Variants in GPR139 observed in about 807,000 individuals in gnomAD.
The protein encoded by GPR139 is G protein-coupled receptor 139, also known as probable G protein-coupled receptor 139.
A neutral mutation model predicts 25.8 loss-of-function variants in GPR139; 12 were observed. That is an observed-to-expected ratio of 0.47 (90% CI 0.30 to 0.75). The LOEUF is 0.75. GPR139 is among the 30% of genes least tolerant of loss of function. The probability of loss-of-function intolerance (pLI) is 0.07; values close to 1 mark genes in which losing one functional copy is unlikely to be tolerated. For missense variants in GPR139, 380 were observed against 450.2 expected, an observed-to-expected ratio of 0.84 and a Z score of 1.41; for synonymous variants, 184 against 179.9, an observed-to-expected ratio of 1.02 and a Z score of -0.18.
chr16:20,067,789 A>T (rs2057440999), intron 1 of GPR139, among the ~76,000 whole-genome samples: 1 of 137,186 alleles, frequency 7.3e-6, no homozygotes, highest in Non-Finnish European at 1.5e-5. Context: ...GGGCAACTAG[A>T]GCAAAACTCC....
chr16:20,056,236 T>C lies in GPR139; in HGVS notation c.127+17254A>G, dbSNP rs1054886248. 3.3e-5 allele frequency among the ~76,000 whole-genome samples: 5 copies of C among 152,196 alleles called. No individual in the cohort carries two copies. In the East Asian group the frequency reaches 9.6e-4, roughly 29 times the overall value. On this transcript the variant is annotated intron_variant, in intron 1 of 1. Coordinates refer to ENST00000570682, the MANE Select transcript of GPR139 (RefSeq NM_001002911.4). ...TTGATGAGCTTCCATTTTTGTTCCA[T>C]GGTATGCTGGGCTTTCTTTTTGCAC...
intron 1 of GPR139, among the ~76,000 whole-genome samples, chr16:20,063,399 G>C (rs956454567): frequency 5.9e-5 from 9 of 152,220 alleles, no homozygotes; most frequent in Non-Finnish European, 8.8e-5. Context: ...CTACTCAGGA[G>C]GCTGAGATGG....
Position 20,059,521 on chromosome 16 carries a change from A to G in GPR139, c.127+13969T>C, listed in dbSNP as rs192989663. 4.5e-3 allele frequency among the ~76,000 whole-genome samples: 679 copies of G among 151,926 alleles called. 4 individuals carry two copies. The highest frequency in any genetic ancestry group is 0.015 in the African/African-American group (617 of 41,460). On this transcript the variant is annotated intron_variant, in intron 1 of 1. Coordinates refer to ENST00000570682, the MANE Select transcript of GPR139 (RefSeq NM_001002911.4). Reference sequence around the variant, plus strand: ...TGCTCAAACATCACCACTTTGGAACACCCTTTCTTGACCACCCAACCTAAT... The same window carrying G: ...TGCTCAAACATCACCACTTTGGAACGCCCTTTCTTGACCACCCAACCTAAT...
intron 1 of GPR139, among the ~76,000 whole-genome samples, chr16:20,059,387 G>T (rs753478485): frequency 7.2e-5 from 11 of 151,958 alleles, no homozygotes; most frequent in Non-Finnish European, 1.5e-4. Flanking sequence ...CTTTTTCATT[G>T]TACTCTAACC....
chr16:20,032,599 G>A lies in GPR139; in HGVS notation c.198C>T (p.Leu66=). 1 of 1,614,074 alleles carries A rather than the reference G, an allele frequency of 6.2e-7. No homozygotes were observed. Among genetic ancestry groups the A allele is most frequent in the Non-Finnish European group, 8.5e-7 (1 of 1,179,918 alleles). ...AGATGTCGGCAGCAGCGAGTGCCAA[G>A]AGATAGTTGTAGGAGGACTTCTGTC... ...ARRQKSSYNY[L]LALAAADILV... is the part of the protein sequence containing the mutation. The change falls in exon 2 of 2, where the codon CTC becomes CTT. Residue 66 remains leucine (L), a synonymous_variant. Coordinates refer to ENST00000570682, the MANE Select transcript of GPR139 (RefSeq NM_001002911.4).
chr16:20,054,226 A>G (rs191651675), intron 1 of GPR139, among the ~76,000 whole-genome samples: 1 of 152,292 alleles, frequency 6.6e-6, no homozygotes, highest in Admixed American at 6.5e-5. Flanking sequence ...TACCAAAGTC[A>G]TTCTGTTTGT....
chr16:20,060,328 A>T (rs559232002), intron 1 of GPR139, among the ~76,000 whole-genome samples: 88 of 151,004 alleles, frequency 5.8e-4, no homozygotes, highest in African/African-American at 2.1e-3. Flanking sequence ...GTGTATCTGC[A>T]TGTATGTCTC....
chr16:20,034,995 G>T (rs919415655), intron 1 of GPR139, among the ~76,000 whole-genome samples: 10 of 152,086 alleles, frequency 6.6e-5, no homozygotes, highest in African/African-American at 2.4e-4. Context: ...TTTCTCTGGG[G>T]TAATGTATAC....
intron 1 of GPR139, among the ~76,000 whole-genome samples, chr16:20,032,988 G>A (rs940717072): frequency 1.3e-5 from 2 of 150,246 alleles, no homozygotes; most frequent in Non-Finnish European, 3.0e-5. Flanking sequence ...ACAACCATGA[G>A]TGGTGTTGCC....
chr16:20,046,686 G>A (rs185687591), intron 1 of GPR139, among the ~76,000 whole-genome samples: 170 of 152,316 alleles, frequency 1.1e-3, no homozygotes, highest in South Asian at 4.8e-3. Flanking sequence ...AGAGAAACAT[G>A]CAGGGGGAGA....
At chr16:20,067,090 A>G (rs2057437081) in intron 1 of GPR139, among the ~76,000 whole-genome samples, 1 of 152,186 alleles carries the variant, frequency 6.6e-6, no homozygotes, top group Non-Finnish European at 1.5e-5. Context: ...CAGAATTTAA[A>G]TCCACATCCA....
chr16:20,060,590 T>G (rs2057409268), intron 1 of GPR139, among the ~76,000 whole-genome samples: 1 of 152,184 alleles, frequency 6.6e-6, no homozygotes, highest in Admixed American at 6.5e-5. Flanking sequence ...TTCCCCCAGC[T>G]CTACCCATGT....
chr16:20,031,998 A>G lies in GPR139; in HGVS notation c.799T>C (p.Ser267Pro). ...AGGGCTAGCATGTTGGCAATGTCGG[A>G]CATGATGTGTACCAGCCAGCGGTTC... ...IQNRWLVHIM[S>P]DIANMLALLN... The change falls in exon 2 of 2, where the codon TCC (serine) becomes CCC (proline). Residue 267 changes from serine (S) to proline (P), a missense_variant. Ser to Pro is a moderately conservative substitution (Grantham distance 74, BLOSUM62 -1). Coordinates refer to ENST00000570682, the MANE Select transcript of GPR139 (RefSeq NM_001002911.4). The G allele has an allele frequency of 6.2e-7, 1 of 1,614,210 alleles. No individual in the cohort carries two copies. Among genetic ancestry groups the G allele is most frequent in the Non-Finnish European group, 8.5e-7 (1 of 1,180,042 alleles).
At chr16:20,037,395 T>G (rs2057313745) in intron 1 of GPR139, among the ~76,000 whole-genome samples, 1 of 147,310 alleles carries the variant, frequency 6.8e-6, no homozygotes, top group Non-Finnish European at 1.5e-5. Context: ...GAAGTTACAG[T>G]GAGCCGAGAT....
intron 1 of GPR139, among the ~76,000 whole-genome samples, chr16:20,033,272 G>A (rs1481937857): frequency 1.3e-5 from 2 of 151,712 alleles, no homozygotes; most frequent in Non-Finnish European, 2.9e-5. Context: ...CGTGAGAGGC[G>A]ATGCTGCCAT....
At position 20,032,107 on chromosome 16, in the gene GPR139, C is replaced by T. The variant is rs2057291814; in HGVS notation, c.690G>A (p.Leu230=). The change falls in exon 2 of 2, where the codon TTG becomes TTA. Residue 230 remains leucine, a synonymous_variant. Transcript: ENST00000570682. ...GYSTGKTTAI[L]FTITSIFATL... ...TGGCAAAGATGGAGGTAATGGTGAA[C>T]AAGATGGCGGTGGTCTTCCCCGTGG... is the stretch of plus-strand genomic sequence containing the variant. The T allele has an allele frequency of 6.2e-7, 1 of 1,614,154 alleles. No individual in the cohort carries two copies. The highest frequency in any genetic ancestry group is 8.5e-7 in the Non-Finnish European group (1 of 1,180,014).
At chr16:20,049,377 T>G (rs1023641284) in intron 1 of GPR139, among the ~76,000 whole-genome samples, 3 of 152,230 alleles carry the variant, frequency 2.0e-5, no homozygotes, top group African/African-American at 7.2e-5. Flanking sequence ...CCAGTGTCTA[T>G]GTAGCTTCTT....
intron 1 of GPR139, among the ~76,000 whole-genome samples, chr16:20,044,665 T>G (rs2764769): frequency 0.089 from 13,485 of 152,206 alleles, 1,945 homozygotes; most frequent in African/African-American, 0.3. Context: ...AGCTCACATC[T>G]TCATATACAC....
intron 1 of GPR139, among the ~76,000 whole-genome samples, chr16:20,040,190 T>C (rs2057325048): frequency 6.6e-6 from 1 of 152,162 alleles, no homozygotes; most frequent in Non-Finnish European, 1.5e-5. Flanking sequence ...CACTGCTCAC[T>C]GGCTGCAAAT....
Sources: allele counts gnomAD v4.1 joint callset (sites outside exome capture counted in the v4.1 genomes callset), GRCh38; gene constraint gnomAD v4.1.1; transcripts MANE v1.5; gene names NCBI Gene and HGNC (gene_info 2026-07-23, HGNC 2026-07-21).